GLI2: variants seen among roughly 807,000 people sequenced by gnomAD.
GLI2 encodes the protein GLI family zinc finger 2.
In GLI2, 22 loss-of-function variants were observed where a neutral mutation model predicts 78.9. That is an observed-to-expected ratio of 0.28 (90% CI 0.20 to 0.40). The LOEUF (loss-of-function observed/expected upper bound fraction) is 0.40. GLI2 is among the 10% of genes least tolerant of loss of function. The pLI is 1.00. For missense variants in GLI2, 2,097 were observed against 2,213.2 expected, an observed-to-expected ratio of 0.95 and a Z score of 1.05; for synonymous variants, 974 against 963.7, an observed-to-expected ratio of 1.01 and a Z score of -0.20.
At chr2:120,949,642 G>T (rs1022811285) in intron 3 of GLI2, among the ~76,000 whole-genome samples, 1 of 152,210 alleles carries the variant, frequency 6.6e-6, no homozygotes, top group Non-Finnish European at 1.5e-5. Context: ...GTGCAGGAAG[G>T]CATTGGAGGC....
intron 2 of GLI2, among the ~76,000 whole-genome samples, chr2:120,835,796 TTG>T (rs1311134729): frequency 3.3e-5 from 5 of 152,094 alleles, no homozygotes; most frequent in African/African-American, 9.7e-5. Flanking sequence ...GTGTGTGCGT[TTG>T]TGTGTGTGTA....
intron 3 of GLI2, among the ~76,000 whole-genome samples, chr2:120,933,861 G>GCCCTGC (rs1322594436): frequency 5.8e-5 from 8 of 137,214 alleles, no homozygotes; most frequent in Non-Finnish European, 1.3e-4. Context: ...GCCCTGCCCT[G>GCCCTGC]CCCTGCCCTG....
intron 1 of GLI2, among the ~76,000 whole-genome samples, chr2:120,757,153 G>A (rs1362410755): frequency 6.6e-6 from 1 of 150,514 alleles, no homozygotes; most frequent in Non-Finnish European, 1.5e-5. Context: ...GCTCTCATCT[G>A]CGAATTCTAA....
At position 120,735,995 on chromosome 2, in the gene GLI2, G is replaced by A. The variant is rs1682336092; in HGVS notation, c.-321G>A. ...GGCGGCGGCGGCTGCGACTGCGAAC[G>A]CGGAGGAAGGCCAGGAGCCGCAGGA... On this transcript the variant is annotated 5_prime_UTR_variant, in exon 1 of 14. Transcript: ENST00000361492. Among the ~76,000 whole-genome samples, 1 of 151,918 alleles carries A rather than the reference G, an allele frequency of 6.6e-6. No homozygotes were observed. The highest frequency in any genetic ancestry group is 1.5e-5 in the Non-Finnish European group (1 of 67,964).
At chr2:120,855,026 G>A (rs1022553661) in intron 2 of GLI2, among the ~76,000 whole-genome samples, 1 of 152,258 alleles carries the variant, frequency 6.6e-6, no homozygotes, top group Non-Finnish European at 1.5e-5. Context: ...TCCCCTCGAG[G>A]TCATCGCGGA....
At chr2:120,759,191 G>A (rs150615784) in intron 1 of GLI2, among the ~76,000 whole-genome samples, 135 of 152,296 alleles carry the variant, frequency 8.9e-4, no homozygotes, top group Middle Eastern at 3.4e-3. Flanking sequence ...CAAATGTGTG[G>A]GGGTTTTTCT....
chr2:120,923,529 A>G (rs956529967), intron 2 of GLI2, among the ~76,000 whole-genome samples: 7 of 152,016 alleles, frequency 4.6e-5, no homozygotes, highest in African/African-American at 1.2e-4. Context: ...ACATCCATGC[A>G]TATGCACACA....
At chr2:120,935,612 C>T (rs1680162171) in intron 3 of GLI2, among the ~76,000 whole-genome samples, 1 of 152,228 alleles carries the variant, frequency 6.6e-6, no homozygotes. Context: ...TAATCACTCC[C>T]ACTTGATAAT....
In GLI2 at chr2:120,953,206, C is replaced by G. The variant is rs111970885; in HGVS notation, c.457+1761C>G. Among the ~76,000 whole-genome samples, 272 of 152,326 alleles carry G rather than the reference C, an allele frequency of 1.8e-3. 3 individuals are homozygous for G. Among genetic ancestry groups the G allele is most frequent in the African/African-American group, 5.3e-3 (219 of 41,572 alleles). Reference sequence around the variant, plus strand: ...CTAAATCCAATAACAGGTGTCCTTACAAGAGACACACTGAGAAGGCAGACA... The same window carrying G: ...CTAAATCCAATAACAGGTGTCCTTAGAAGAGACACACTGAGAAGGCAGACA... On this transcript the variant is annotated intron_variant, in intron 4 of 13. Transcript: ENST00000361492.
intron 2 of GLI2, among the ~76,000 whole-genome samples, chr2:120,868,344 A>G (rs778988661): frequency 1.3e-5 from 2 of 152,234 alleles, no homozygotes; most frequent in African/African-American, 2.4e-5. Context: ...ATCATATCGA[A>G]CAGGAATGTT....
chr2:120,902,497 T>C (rs564095910), intron 2 of GLI2, among the ~76,000 whole-genome samples: 1 of 152,086 alleles, frequency 6.6e-6, no homozygotes, highest in Non-Finnish European at 1.5e-5. Flanking sequence ...CCAGCCAGAT[T>C]CCCCAGAGTG....
chr2:120,831,667 C>A (rs1038706785), intron 2 of GLI2, among the ~76,000 whole-genome samples: 5 of 152,118 alleles, frequency 3.3e-5, no homozygotes, highest in Non-Finnish European at 7.4e-5. Context: ...CACACAGCCC[C>A]CGGTGGTGCA....
intron 2 of GLI2, among the ~76,000 whole-genome samples, chr2:120,917,696 G>A (rs1282226863): frequency 6.6e-6 from 1 of 152,234 alleles, no homozygotes; most frequent in Non-Finnish European, 1.5e-5. Context: ...CTTCTGCCTT[G>A]GGCTTCTCCT....
intron 2 of GLI2, among the ~76,000 whole-genome samples, chr2:120,819,248 T>TTG (rs1685651519): frequency 6.7e-6 from 1 of 148,492 alleles, no homozygotes; most frequent in Non-Finnish European, 1.5e-5. Flanking sequence ...GATTTTTTTT[T>TTG]TTTTTTTTTT....
intron 1 of GLI2, among the ~76,000 whole-genome samples, chr2:120,774,477 C>T (rs770220189): frequency 1.4e-4 from 21 of 152,198 alleles, no homozygotes; most frequent in Non-Finnish European, 2.1e-4. Context: ...AGCAGTCGCT[C>T]CCCATCCCTG....
chr2:120,740,668 T>G (rs1001260562), intron 1 of GLI2, among the ~76,000 whole-genome samples: 4 of 152,260 alleles, frequency 2.6e-5, no homozygotes, highest in African/African-American at 9.6e-5. Context: ...ATCTCGCTTT[T>G]CCATTCTCTG....
chr2:120,802,168 C>T (rs1320295806), intron 2 of GLI2, among the ~76,000 whole-genome samples: 1 of 152,188 alleles, frequency 6.6e-6, no homozygotes, highest in Non-Finnish European at 1.5e-5. Flanking sequence ...CTGACTTCCC[C>T]TAGGAGTCCA....
At chr2:120,826,497 A>T (rs1294834089) in intron 2 of GLI2, among the ~76,000 whole-genome samples, 1 of 152,150 alleles carries the variant, frequency 6.6e-6, no homozygotes, top group Non-Finnish European at 1.5e-5. Flanking sequence ...GCTGGACTGC[A>T]CTCTGGAGGA....
chr2:120,814,533 C>T (rs1030686724), intron 2 of GLI2, among the ~76,000 whole-genome samples: 5 of 152,156 alleles, frequency 3.3e-5, no homozygotes, highest in Non-Finnish European at 5.9e-5. Flanking sequence ...TCCCATCCTC[C>T]GGCTACAGAC....
Sources: allele counts gnomAD v4.1 joint callset (sites outside exome capture counted in the v4.1 genomes callset), GRCh38; gene constraint gnomAD v4.1.1; transcripts MANE v1.5; gene names NCBI Gene and HGNC (gene_info 2026-07-23, HGNC 2026-07-21).